The following PLD1 variants were observed in gnomAD, a reference collection of about 807,000 sequenced individuals.
The protein encoded by PLD1 is choline phosphatase 1.
In PLD1, 112 loss-of-function variants were observed where a neutral mutation model predicts 137.1. The observed-to-expected ratio is 0.82, with a 90% confidence interval of 0.70 to 0.96. PLD1 has a LOEUF of 0.96. Among genes scored for constraint, PLD1 ranks in the 40% least tolerant of loss-of-function variants. The pLI is 0.00. For synonymous variants in PLD1, 431 were observed against 454.7 expected (o/e 0.95, Z 0.66); for missense variants, 1,321 against 1,342.0 (o/e 0.98, Z 0.24).
chr3:171,695,379 A>C (rs2108529774), intron 12 of PLD1, among the ~76,000 whole-genome samples: 1 of 152,350 alleles, frequency 6.6e-6, no homozygotes, highest in East Asian at 1.9e-4. Context: ...AAGTAGAAAA[A>C]CAGATGGCCT....
intron 1 of PLD1, among the ~76,000 whole-genome samples, chr3:171,746,333 T>C (rs1393646947): frequency 6.6e-6 from 1 of 152,258 alleles, no homozygotes; most frequent in Admixed American, 6.5e-5. Flanking sequence ...CAAAGCCAGC[T>C]GGGCTCCTAA....
At chr3:171,801,900 C>T (rs1723663350) in intron 1 of PLD1, among the ~76,000 whole-genome samples, 2 of 152,224 alleles carry the variant, frequency 1.3e-5, no homozygotes, top group Admixed American at 6.5e-5. Context: ...ACAGATTATA[C>T]ACCCACATGA....
intron 1 of PLD1, among the ~76,000 whole-genome samples, chr3:171,749,103 T>C (rs181762594): frequency 1.3e-5 from 2 of 152,104 alleles, no homozygotes; most frequent in South Asian, 2.1e-4. Context: ...TAAATTGTAA[T>C]TGTTTTAAGA....
At chr3:171,656,168 A>G (rs1415079098) in intron 21 of PLD1, among the ~76,000 whole-genome samples, 1 of 150,764 alleles carries the variant, frequency 6.6e-6, no homozygotes, top group South Asian at 2.1e-4. Context: ...TTATTTATTT[A>G]TTTATTTATT....
intron 1 of PLD1, among the ~76,000 whole-genome samples, chr3:171,785,265 A>G (rs1166597473): frequency 6.6e-6 from 1 of 152,238 alleles, no homozygotes; most frequent in Non-Finnish European, 1.5e-5. Flanking sequence ...AGCCACATAT[A>G]TAATTTTAAA....
chr3:171,610,326 T>C (rs1560141373), intron 25 of PLD1, among the ~76,000 whole-genome samples: 1 of 152,222 alleles, frequency 6.6e-6, no homozygotes, highest in Non-Finnish European at 1.5e-5. Context: ...TGTGTAACAT[T>C]GTTTAAATAA....
intron 15 of PLD1, 97 bp downstream of exon 15, chr3:171,687,274 A>G: frequency 1.2e-5 from 12 of 999,758 alleles, no homozygotes; most frequent in Non-Finnish European, 1.9e-5. Context: ...ATTCTACTCC[A>G]TTACAGAAAG....
chr3:171,749,916 A>G (rs996012757), intron 1 of PLD1, among the ~76,000 whole-genome samples: 2 of 152,196 alleles, frequency 1.3e-5, no homozygotes, highest in South Asian at 2.1e-4. Context: ...TGCCCACCAC[A>G]GGACAGATGG....
intron 13 of PLD1, 128 bp from the exon 14 acceptor site, chr3:171,689,004 A>T (rs1200362983): frequency 3.1e-6 from 2 of 649,458 alleles, no homozygotes; most frequent in East Asian, 5.4e-5. Context: ...CAACGTATAC[A>T]CCAAAGAAAA....
intron 21 of PLD1, among the ~76,000 whole-genome samples, chr3:171,656,295 T>C (rs951513926): frequency 6.6e-6 from 1 of 152,064 alleles, no homozygotes; most frequent in East Asian, 1.9e-4. Flanking sequence ...CGCAGCCACC[T>C]GAACAGCTGG....
intron 8 of PLD1, among the ~76,000 whole-genome samples, chr3:171,720,293 CAAAAAA>C (rs752618596): frequency 1.5e-5 from 1 of 67,916 alleles, no homozygotes; most frequent in African/African-American, 6.0e-5. Flanking sequence ...GACCCTGTCT[CAAAAAA>C]AAAAAAAAAA....
intron 1 of PLD1, among the ~76,000 whole-genome samples, chr3:171,780,663 T>C (rs912679829): frequency 6.6e-6 from 1 of 151,820 alleles, no homozygotes; most frequent in Non-Finnish European, 1.5e-5. Context: ...AGCTGAGAGA[T>C]GAAGAAAGAG....
chr3:171,688,843 C>A lies in PLD1; in HGVS notation c.1372G>T (p.Val458Phe). The A allele has an allele frequency of 6.2e-7, 1 of 1,614,026 alleles. No homozygotes were observed. The highest frequency in any genetic ancestry group is 2.2e-5 in the East Asian group (1 of 44,874). The change falls in exon 14 of 27, where the codon GTC becomes TTC. Residue 458 changes from valine (V) to phenylalanine (F), a missense_variant. Transcript: ENST00000351298. ...TTCTCATGGTGAGCCCACAAATAGA[C>A]GGTGGATGACACATGATCCGGGTGT... ...MRHPDHVSST[V>F]YLWAHHEKLV...
chr3:171,645,836 A>G (rs1736155031), intron 21 of PLD1, among the ~76,000 whole-genome samples: 1 of 146,740 alleles, frequency 6.8e-6, no homozygotes. Context: ...GTCAGCAGAG[A>G]TCGCGCTACT....
At chr3:171,659,176 A>G (rs536642072) in intron 21 of PLD1, 37 bp downstream of exon 21, 1 of 1,291,052 alleles carries the variant, frequency 7.7e-7, no homozygotes, top group South Asian at 1.2e-5. Context: ...AAATACAAGA[A>G]CATCTGCAGC....
At chr3:171,733,310 CTTAAT>C (rs779883389) in intron 6 of PLD1, 129 bp downstream of exon 6, 57 of 537,702 alleles carry the variant, frequency 1.1e-4, no homozygotes, top group Non-Finnish European at 1.6e-4. Flanking sequence ...TTTGTATTCA[CTTAAT>C]TTATTTTAAT....
chr3:171,699,114 TA>T (rs757245482), intron 12 of PLD1, among the ~76,000 whole-genome samples: 3 of 152,104 alleles, frequency 2.0e-5, no homozygotes, highest in South Asian at 4.1e-4. Context: ...CCTATTACAT[TA>T]AAAAAATCAC....
chr3:171,679,172 A>C (rs1267168556), intron 16 of PLD1, among the ~76,000 whole-genome samples: 1 of 152,250 alleles, frequency 6.6e-6, no homozygotes, highest in Non-Finnish European at 1.5e-5. Flanking sequence ...AGCTCCAAGC[A>C]CCCAGGCAAT....
At chr3:171,770,556 T>G (rs1722275954) in intron 1 of PLD1, among the ~76,000 whole-genome samples, 1 of 151,888 alleles carries the variant, frequency 6.6e-6, no homozygotes, top group Non-Finnish European at 1.5e-5. Flanking sequence ...ACCTAGAAGG[T>G]CTAGTGCGAC....
Sources: allele counts gnomAD v4.1 joint callset (sites outside exome capture counted in the v4.1 genomes callset), GRCh38; gene constraint gnomAD v4.1.1; transcripts MANE v1.5; gene names NCBI Gene and HGNC (gene_info 2026-07-23, HGNC 2026-07-21).